The following VAV2 variants were observed in gnomAD, a reference collection of about 807,000 sequenced individuals.
The protein encoded by VAV2 is guanine nucleotide exchange factor VAV2.
VAV2 carries 67 observed loss-of-function variants against 132.5 expected under a neutral mutation model. The observed-to-expected ratio is 0.51, with a 90% CI of 0.42 to 0.62. The LOEUF (loss-of-function observed/expected upper bound fraction) is 0.62, where lower values mean the gene tolerates loss of function less well. Among genes scored for constraint, VAV2 ranks in the 20% least tolerant of loss-of-function variants. The probability of loss-of-function intolerance (pLI) is 0.00; values close to 1 mark genes in which losing one functional copy is unlikely to be tolerated. For missense variants in VAV2, 938 were observed against 1,153.6 expected, an observed-to-expected ratio of 0.81 and a Z score of 2.71; for synonymous variants, 492 against 443.5, an observed-to-expected ratio of 1.11 and a Z score of -1.37.
Position 133,763,838 on chromosome 9 carries a change from G to T in VAV2, c.*224C>A, listed in dbSNP as rs1833345624. 3.5e-6 allele frequency: 2 copies of T among 570,200 alleles called. No homozygotes were observed. The highest frequency in any genetic ancestry group is 6.2e-6 in the Non-Finnish European group (2 of 321,536). 35.3% of individuals were successfully genotyped at this position (570,200 alleles called of 1,614,324 possible). On this transcript the variant is annotated 3_prime_UTR_variant, in exon 30 of 30. Coordinates refer to ENST00000371850, the MANE Select transcript of VAV2 (RefSeq NM_001134398.2). This position sits in a 1 kb window ranked among gnomAD's most constrained non-coding sequence, Gnocchi z 6.8. Reference sequence around the variant, plus strand: ...TGCGCTCTGGGTGGGGCTAGCCCAGGTTTCCTCTATGTACAATAGCATACC... The same window carrying T: ...TGCGCTCTGGGTGGGGCTAGCCCAGTTTTCCTCTATGTACAATAGCATACC...
At chr9:133,796,625 C>T in intron 10 of VAV2, 101 bp from the exon 11 acceptor site, 1 of 1,084,494 alleles carries the variant, frequency 9.2e-7, no homozygotes, top group East Asian at 2.6e-5. Flanking sequence ...AAGCCCAGAA[C>T]TCAGGCCCAG....
At chr9:133,808,296 G>A (rs975430008) in intron 7 of VAV2, among the ~76,000 whole-genome samples, 4 of 152,354 alleles carry the variant, frequency 2.6e-5, no homozygotes, top group Non-Finnish European at 4.4e-5. Context: ...GAGGGGGCCC[G>A]GCCGGAGCAA....
Position 133,791,764 on chromosome 9 carries a change from AAG to A in VAV2, c.1188+17_1188+18del. ...GTCCTCATCGACCTTCCCTAGCCTG[AAG>A]AGTCAGTCTCACTCACCAAATTTTC... On this transcript the variant is annotated intron_variant, in intron 13 of 29. Transcript: ENST00000371850. The A allele has an allele frequency of 1.9e-6, 3 of 1,609,190 alleles. No homozygotes were observed. The highest frequency in any genetic ancestry group is 2.6e-6 in the Non-Finnish European group (3 of 1,175,558).
intron 2 of VAV2, among the ~76,000 whole-genome samples, chr9:133,880,410 C>A (rs1292652008): frequency 6.6e-5 from 10 of 152,202 alleles, no homozygotes; most frequent in South Asian, 2.1e-4. Flanking sequence ...GCCTTAGGGG[C>A]AGCCATGGGG....
At chr9:133,903,835 C>A (rs74914852) in intron 2 of VAV2, among the ~76,000 whole-genome samples, 1 of 151,990 alleles carries the variant, frequency 6.6e-6, no homozygotes, top group Non-Finnish European at 1.5e-5. Context: ...GGAGAGGGCT[C>A]GGGGAGGCAG....
At position 133,863,607 on chromosome 9, in the gene VAV2, G is replaced by A. The variant is rs1588284163; in HGVS notation, c.322-2175C>T. Among the ~76,000 whole-genome samples, 1 of 152,186 alleles carries A rather than the reference G, an allele frequency of 6.6e-6. No homozygotes were observed. The highest frequency in any genetic ancestry group is 2.4e-5 in the African/African-American group (1 of 41,448). ...TGGGGCGCTTTGCCCCAGGATGAACGTGTCACGAGCAGCTGATGAAGGGCT... is the reference window on the plus strand; with the variant it reads ...TGGGGCGCTTTGCCCCAGGATGAACATGTCACGAGCAGCTGATGAAGGGCT... On this transcript the variant is annotated intron_variant, in intron 2 of 29. Coordinates refer to ENST00000371850, the MANE Select transcript of VAV2 (RefSeq NM_001134398.2). This position sits in a 1 kb window ranked among gnomAD's most constrained non-coding sequence, Gnocchi z 5.0.
intron 2 of VAV2, among the ~76,000 whole-genome samples, chr9:133,934,135 A>G (rs1399404126): frequency 6.6e-6 from 1 of 152,048 alleles, no homozygotes; most frequent in Non-Finnish European, 1.5e-5. Context: ...ATGGATGGAT[A>G]AATGGATGGA....
At chr9:133,807,368 C>T (rs1366930498) in intron 7 of VAV2, 42 bp from the exon 8 acceptor site, 2 of 1,562,018 alleles carry the variant, frequency 1.3e-6, no homozygotes, top group Non-Finnish European at 1.7e-6. Flanking sequence ...GCTGCTGTTG[C>T]CCACCCTCTC....
intron 20 of VAV2, 145 bp from the exon 21 acceptor site, chr9:133,780,084 T>C: frequency 9.1e-7 from 1 of 1,101,448 alleles, no homozygotes; most frequent in Non-Finnish European, 1.3e-6. Flanking sequence ...AGGGACACTG[T>C]TCCCTATGGG....
At chr9:133,886,558 T>C (rs1229907489) in intron 2 of VAV2, among the ~76,000 whole-genome samples, 1 of 152,166 alleles carries the variant, frequency 6.6e-6, no homozygotes, top group East Asian at 1.9e-4. Flanking sequence ...TCGGAGTCAG[T>C]GAGGCCCACG....
chr9:133,949,970 G>A (rs972217317), intron 1 of VAV2, among the ~76,000 whole-genome samples: 24 of 152,296 alleles, frequency 1.6e-4, no homozygotes, highest in Non-Finnish European at 2.5e-4. Flanking sequence ...AACTTCAAGC[G>A]CCCAGCCGGT....
intron 3 of VAV2, among the ~76,000 whole-genome samples, chr9:133,854,118 G>A (rs1007465904): frequency 4.5e-5 from 4 of 87,936 alleles, no homozygotes; most frequent in African/African-American, 3.5e-4. Context: ...CATACCCCTT[G>A]CACCTGCACA....
chr9:133,886,378 T>C (rs1326694467), intron 2 of VAV2, among the ~76,000 whole-genome samples: 1 of 152,174 alleles, frequency 6.6e-6, no homozygotes, highest in Non-Finnish European at 1.5e-5. Flanking sequence ...AGGTCCTTTA[T>C]AATTCAGAGG....
chr9:133,805,253 G>C (rs1572751), intron 9 of VAV2, among the ~76,000 whole-genome samples: 18,143 of 152,118 alleles, frequency 0.12, 2,313 homozygotes, highest in African/African-American at 0.32. Context: ...CCAGGCCCCA[G>C]AGCAGACCCA....
intron 1 of VAV2, among the ~76,000 whole-genome samples, chr9:133,971,129 T>C (rs1284950862): frequency 2.0e-5 from 3 of 152,160 alleles, no homozygotes; most frequent in South Asian, 2.1e-4. Context: ...ACTCCCACCA[T>C]CGCTTCCCCC....
intron 1 of VAV2, among the ~76,000 whole-genome samples, chr9:133,955,193 G>T (rs1233965170): frequency 1.3e-5 from 2 of 151,946 alleles, no homozygotes; most frequent in African/African-American, 4.8e-5. Context: ...CTTCCTGTGG[G>T]GAGCTCCTGC....
chr9:133,961,960 C>T lies in VAV2; in HGVS notation c.205-22741G>A, dbSNP rs1211913072. Among the ~76,000 whole-genome samples the T allele has an allele frequency of 6.6e-6, 1 of 152,210 alleles. No individual in the cohort carries two copies. The highest frequency in any genetic ancestry group is 1.5e-5 in the Non-Finnish European group (1 of 68,034). ...CCAGAACCCAGCATCATCCCCCATGCCGGGTGCTGGGGACCCTCTTCCTGA... is the reference window on the plus strand; with the variant it reads ...CCAGAACCCAGCATCATCCCCCATGTCGGGTGCTGGGGACCCTCTTCCTGA... On this transcript the variant is annotated intron_variant, in intron 1 of 29. Coordinates refer to ENST00000371850, the MANE Select transcript of VAV2 (RefSeq NM_001134398.2). This position sits in a 1 kb window ranked among gnomAD's most constrained non-coding sequence, Gnocchi z 4.1.
At chr9:133,927,524 G>A (rs1243763115) in intron 2 of VAV2, among the ~76,000 whole-genome samples, 8 of 152,130 alleles carry the variant, frequency 5.3e-5, no homozygotes, top group East Asian at 1.9e-4. Flanking sequence ...TAGGTGGCCC[G>A]TGGGGCCTGG....
chr9:133,960,566 G>A (rs1038712807), intron 1 of VAV2, among the ~76,000 whole-genome samples: 5 of 152,246 alleles, frequency 3.3e-5, no homozygotes, highest in Non-Finnish European at 5.9e-5. Context: ...TATTTCCCAA[G>A]CCAGGGGATC....
Sources: allele counts gnomAD v4.1 joint callset (sites outside exome capture counted in the v4.1 genomes callset), GRCh38; gene constraint gnomAD v4.1.1; non-coding constraint Gnocchi (gnomAD v3.1); transcripts MANE v1.5; gene names NCBI Gene and HGNC (gene_info 2026-07-23, HGNC 2026-07-21).